Variants in NFATC1 observed in about 807,000 individuals in gnomAD.
NFATC1 encodes nuclear factor of activated T cells 1, also known as nuclear factor of activated T-cells, cytoplasmic 1.
A neutral mutation model predicts 76.0 loss-of-function variants in NFATC1; 22 were observed. The observed-to-expected ratio is 0.29, with a 90% CI of 0.21 to 0.41. The LOEUF (loss-of-function observed/expected upper bound fraction) is 0.41, where lower values mean the gene tolerates loss of function less well. Among genes scored for constraint, NFATC1 ranks in the 10% least tolerant of loss-of-function variants. The pLI, the probability that NFATC1 is intolerant of heterozygous loss-of-function variation, is 1.00. For missense variants in NFATC1, 1,357 were observed against 1,337.7 expected, an observed-to-expected ratio of 1.01 and a Z score of -0.23; for synonymous variants, 704 against 613.1, an observed-to-expected ratio of 1.15 and a Z score of -2.19.
chr18:79,441,052 G>T (rs1011315170), intron 3 of NFATC1, among the ~76,000 whole-genome samples: 1 of 152,236 alleles, frequency 6.6e-6, no homozygotes, highest in African/African-American at 2.4e-5. Flanking sequence ...GCTTTGCTGG[G>T]AACAGCACAG....
At chr18:79,397,147 C>T (rs968271488) in intron 1 of NFATC1, among the ~76,000 whole-genome samples, 3 of 152,366 alleles carry the variant, frequency 2.0e-5, no homozygotes, top group South Asian at 4.1e-4. Flanking sequence ...CCGTCCCCGG[C>T]ACACACCCCT....
chr18:79,503,204 A>G (rs1035487663), intron 9 of NFATC1, among the ~76,000 whole-genome samples: 8 of 152,196 alleles, frequency 5.3e-5, no homozygotes, highest in Non-Finnish European at 1.2e-4. Context: ...GGAAAAATCC[A>G]CACACGAGAC....
chr18:79,467,304 C>T (rs1285068886), intron 7 of NFATC1, 146 bp from the exon 8 acceptor site: 16 of 725,498 alleles, frequency 2.2e-5, no homozygotes, highest in South Asian at 3.5e-5. Flanking sequence ...GCCGTGGAAA[C>T]GCGGGGTTGC....
intron 1 of NFATC1, among the ~76,000 whole-genome samples, chr18:79,401,850 G>T (rs1029744408): frequency 6.6e-6 from 1 of 152,324 alleles, no homozygotes; most frequent in Non-Finnish European, 1.5e-5. Context: ...CCTGCGACAG[G>T]CCCAGTGCTG....
At chr18:79,451,239 C>A in intron 5 of NFATC1, 113 bp downstream of exon 5, 1 of 1,262,478 alleles carries the variant, frequency 7.9e-7, no homozygotes, top group Non-Finnish European at 1.1e-6. Context: ...GAACGGTTCC[C>A]ACCAAACCCA....
chr18:79,502,037 C>A (rs914325224), intron 9 of NFATC1, among the ~76,000 whole-genome samples: 2 of 152,002 alleles, frequency 1.3e-5, no homozygotes, highest in Non-Finnish European at 2.9e-5. Flanking sequence ...TTTCAAAGAC[C>A]CAGAATAGCC....
intron 1 of NFATC1, chr18:79,400,435 T>G: frequency 6.7e-7 from 1 of 1,494,824 alleles, no homozygotes; most frequent in Non-Finnish European, 8.9e-7. Flanking sequence ...GAGTTCCTCT[T>G]CGAGTTTAAC....
chr18:79,486,525 C>T lies in NFATC1; in HGVS notation c.2370C>T (p.Leu790=). The T allele has an allele frequency of 6.2e-7, 1 of 1,600,362 alleles. No individual in the cohort carries two copies. Among genetic ancestry groups the T allele is most frequent in the South Asian group, 1.1e-5 (1 of 90,902 alleles). ...VASPGHCHLG[L]PQPAGEAPAV... is the part of the protein sequence containing the mutation. The stretch of plus-strand genomic sequence containing the variant: ...GCCCGGGCCACTGTCACCTCGGACT[C>T]CCGCAGCCGGCCGGAGAGGCCCCCG... The change falls in exon 9 of 10, where the codon CTC becomes CTT. Residue 790 remains leucine, a synonymous_variant. Coordinates refer to ENST00000427363, the MANE Select transcript of NFATC1 (RefSeq NM_001278669.2).
chr18:79,456,355 G>A (rs141199476), intron 6 of NFATC1, among the ~76,000 whole-genome samples: 9 of 152,310 alleles, frequency 5.9e-5, no homozygotes, highest in Non-Finnish European at 7.3e-5. Context: ...CCAGAGAGCC[G>A]GGTCAGAGGA....
At chr18:79,475,818 A>AC (rs1274944281) in intron 8 of NFATC1, among the ~76,000 whole-genome samples, 1 of 152,234 alleles carries the variant, frequency 6.6e-6, no homozygotes, top group African/African-American at 2.4e-5. Context: ...CATCCTAGCC[A>AC]CCCGACGCTC....
At chr18:79,425,728 G>T (rs1008041540) in intron 2 of NFATC1, among the ~76,000 whole-genome samples, 1 of 152,214 alleles carries the variant, frequency 6.6e-6, no homozygotes, top group Non-Finnish European at 1.5e-5. Context: ...TTCTAAGGGA[G>T]AGGGACATGG....
intron 9 of NFATC1, among the ~76,000 whole-genome samples, chr18:79,490,659 A>G (rs1050741905): frequency 1.1e-4 from 17 of 152,172 alleles, no homozygotes; most frequent in African/African-American, 4.1e-4. Context: ...GCCTTCACTG[A>G]GAATGACACG....
intron 6 of NFATC1, among the ~76,000 whole-genome samples, chr18:79,453,919 A>G (rs1194133266): frequency 6.6e-6 from 1 of 152,236 alleles, no homozygotes; most frequent in Non-Finnish European, 1.5e-5. Flanking sequence ...GTTGCTTACA[A>G]CACGTGCTGA....
chr18:79,400,150 C>T, intron 1 of NFATC1: 4 of 873,116 alleles, frequency 4.6e-6, no homozygotes, highest in Non-Finnish European at 4.2e-6. Flanking sequence ...GGGGCGGGGG[C>T]GGGGGGGACA....
At chr18:79,400,815 A>G (rs1261142041) in intron 1 of NFATC1, among the ~76,000 whole-genome samples, 1 of 4,574 alleles carries the variant, frequency 2.2e-4, no homozygotes, top group Non-Finnish European at 5.1e-4. Flanking sequence ...CGCCCTCCCG[A>G]CCTCCCCGAC....
chr18:79,411,489 C>T lies in NFATC1; in HGVS notation c.1214C>T (p.Thr405Met), dbSNP rs746130678. Residue 405 changes from threonine (T) to methionine (M), a missense_variant, in exon 2 of 10, where the codon ACG (threonine) becomes ATG (methionine). Thr to Met is a moderately conservative substitution (Grantham distance 81). This residue lies in a region of NFATC1 where 691 missense variants were observed against 613.1 expected (regional missense o/e 1.13). Coordinates refer to ENST00000427363, the MANE Select transcript of NFATC1 (RefSeq NM_001278669.2). ...GCGAAGCCCAAGCCCCTGTCCCCTACGTCCTACATGAGGTGAGCCGGCAGC... is the reference window on the plus strand; with the variant it reads ...GCGAAGCCCAAGCCCCTGTCCCCTATGTCCTACATGAGGTGAGCCGGCAGC... Reference protein sequence around the residue: ...QWAKPKPLSPTSYMSPTLPAL... With the variant: ...QWAKPKPLSPMSYMSPTLPAL... 96 of 1,504,530 alleles carry T rather than the reference C, an allele frequency of 6.4e-5. No homozygotes were observed. The highest frequency in any genetic ancestry group is 1.2e-4 in the East Asian group (5 of 42,918). The allele number at this position is 1,504,530 out of a possible 1,614,324, so 93.2% of individuals were successfully genotyped here. A position where few individuals can be genotyped will look rare whatever the true frequency, so the allele number is the denominator to read the frequency against.
intron 8 of NFATC1, chr18:79,469,840 G>A: frequency 1.0e-6 from 1 of 985,348 alleles, no homozygotes; most frequent in Middle Eastern, 5.2e-4. Flanking sequence ...GGGCTCCCCG[G>A]CTCCCTGTCA....
At chr18:79,500,480 A>G (rs2089989154) in intron 9 of NFATC1, among the ~76,000 whole-genome samples, 1 of 152,156 alleles carries the variant, frequency 6.6e-6, no homozygotes, top group South Asian at 2.1e-4. Context: ...TTCCTTAAAA[A>G]TGTTGAAAAA....
rs190543807 is a variant in NFATC1 at position 79,512,289 on chromosome 18, C to T, written c.2783-15239C>T. On this transcript the variant is annotated intron_variant, in intron 9 of 9. Transcript: ENST00000427363. ...GGCACTGCCCTGGGAGGTAAATAAA[C>T]GGAAAAGCGTCTGACTGCAGCAAAA... Among the ~76,000 whole-genome samples, 431 of 152,288 alleles carry T rather than the reference C, an allele frequency of 2.8e-3. 3 individuals carry two copies. The highest frequency in any genetic ancestry group is 9.4e-3 in the African/African-American group (389 of 41,570).
Sources: gnomAD v4.1 joint callset for allele counts (sites outside exome capture counted in the v4.1 genomes callset) on GRCh38, gnomAD v4.1.1 for gene constraint, gnomAD v4.1.1 regional missense constraint, MANE v1.5 for transcripts, NCBI Gene and HGNC (gene_info 2026-07-23, HGNC 2026-07-21) for gene names.